Variants in PTPRD observed in about 807,000 individuals in gnomAD.
PTPRD encodes protein tyrosine phosphatase receptor type D, also known as receptor-type tyrosine-protein phosphatase delta.
In PTPRD, 34 loss-of-function variants were observed where a neutral mutation model predicts 214.5. That is an observed-to-expected ratio of 0.16 (90% CI 0.12 to 0.21). The LOEUF (loss-of-function observed/expected upper bound fraction) is 0.21, where lower values mean the gene tolerates loss of function less well. Among genes scored for constraint, PTPRD ranks in the 10% least tolerant of loss-of-function variants. PTPRD has a pLI of 1.00. For synonymous variants in PTPRD, 1,128 were observed against 845.7 expected (o/e 1.33, Z -5.79); for missense variants, 2,545 against 2,398.7 (o/e 1.06, Z -1.27).
intron 12 of PTPRD, among the ~76,000 whole-genome samples, chr9:8,651,294 C>G (rs1233219132): frequency 6.6e-6 from 1 of 152,040 alleles, no homozygotes; most frequent in African/African-American, 2.4e-5. Context: ...TTTGGGGGTA[C>G]AAAAGATGGA....
rs33977592 is a variant in PTPRD at position 10,384,074 on chromosome 9, C to CAAA, written c.-599-43060_-599-43058dup. Among the ~76,000 whole-genome samples the CAAA allele has an allele frequency of 5.5e-3, 576 of 104,716 alleles. 19 individuals carry two copies. In the East Asian group the frequency reaches 0.091, roughly 16 times the overall value. The allele number at this position is 104,716 out of a possible 152,430, so 68.7% of individuals were successfully genotyped here. On this transcript the variant is annotated intron_variant, in intron 2 of 45. Transcript: ENST00000381196. ...AGGAGGTGGGGATGGTTAATGGGTA[C>CAAA]AAAAAAAAAAAAAAATAGAAAAAGA... is the stretch of plus-strand genomic sequence containing the variant.
At chr9:9,810,404 T>C (rs992317551) in intron 5 of PTPRD, among the ~76,000 whole-genome samples, 3 of 152,044 alleles carry the variant, frequency 2.0e-5, no homozygotes, top group Admixed American at 6.6e-5. Flanking sequence ...GTTTACTCTC[T>C]TGTTAAGGGC....
intron 2 of PTPRD, among the ~76,000 whole-genome samples, chr9:10,577,845 T>C (rs1213733866): frequency 6.6e-6 from 1 of 152,002 alleles, no homozygotes; most frequent in Non-Finnish European, 1.5e-5. Context: ...ATTATAGTAA[T>C]AGTTCATGTT....
intron 5 of PTPRD, among the ~76,000 whole-genome samples, chr9:9,857,361 A>G (rs2061746414): frequency 6.6e-6 from 1 of 152,222 alleles, no homozygotes; most frequent in African/African-American, 2.4e-5. Flanking sequence ...GATGGAGAAG[A>G]GAACAACAAT....
At chr9:9,830,248 A>C (rs1013886209) in intron 5 of PTPRD, among the ~76,000 whole-genome samples, 6 of 151,862 alleles carry the variant, frequency 4.0e-5, no homozygotes, top group Non-Finnish European at 7.4e-5. Flanking sequence ...TATCTTTCAA[A>C]TGTCTATTTG....
chr9:8,488,569 T>C (rs2097085073), intron 27 of PTPRD, among the ~76,000 whole-genome samples: 1 of 152,154 alleles, frequency 6.6e-6, no homozygotes, highest in Admixed American at 6.5e-5. Context: ...CATCCAGAGA[T>C]CTTAACGACC....
chr9:9,876,072 G>A (rs565790591), intron 5 of PTPRD, among the ~76,000 whole-genome samples: 2 of 152,216 alleles, frequency 1.3e-5, no homozygotes, highest in African/African-American at 2.4e-5. Context: ...TAGTTGGAAG[G>A]AAGGGAGGAA....
At chr9:9,010,487 C>A (rs1322085346) in intron 11 of PTPRD, among the ~76,000 whole-genome samples, 1 of 152,130 alleles carries the variant, frequency 6.6e-6, no homozygotes, top group African/African-American at 2.4e-5. Flanking sequence ...TGGGAAATAC[C>A]AGCAGAATAT....
chr9:10,534,637 G>T (rs925829289), intron 2 of PTPRD, among the ~76,000 whole-genome samples: 1 of 151,872 alleles, frequency 6.6e-6, no homozygotes, highest in Non-Finnish European at 1.5e-5. Flanking sequence ...TGTTTAATTC[G>T]TCCTTACTAG....
chr9:9,881,439 G>A (rs1362755734), intron 5 of PTPRD, among the ~76,000 whole-genome samples: 1 of 152,026 alleles, frequency 6.6e-6, no homozygotes, highest in Non-Finnish European at 1.5e-5. Context: ...GTCTGACTTG[G>A]GTTTGAGTCT....
At chr9:9,971,634 T>G (rs1294855472) in intron 4 of PTPRD, among the ~76,000 whole-genome samples, 1 of 152,162 alleles carries the variant, frequency 6.6e-6, no homozygotes, top group Admixed American at 6.5e-5. Flanking sequence ...AGTATTTGTA[T>G]AGGAAAAGCA....
chr9:9,482,631 C>G lies in PTPRD; in HGVS notation c.-236-85149G>C, dbSNP rs117457803. Among the ~76,000 whole-genome samples the G allele has an allele frequency of 8.9e-4, 136 of 152,294 alleles. 2 individuals are homozygous for G. In the South Asian group the frequency reaches 0.028, roughly 31 times the overall value. On this transcript the variant is annotated intron_variant, in intron 8 of 45. Transcript: ENST00000381196. ...CATAGTTCAGGTATTTACTGCCATT[C>G]TCTTCTGAGGACATCAGCTATTATC...
chr9:10,361,671 G>C (rs1331855681), intron 2 of PTPRD, among the ~76,000 whole-genome samples: 4 of 152,046 alleles, frequency 2.6e-5, no homozygotes, highest in Non-Finnish European at 5.9e-5. Flanking sequence ...ATCTCTATTA[G>C]GAACACTTAC....
At chr9:10,306,516 G>C (rs55835793) in intron 3 of PTPRD, among the ~76,000 whole-genome samples, 10,912 of 152,030 alleles carry the variant, frequency 0.072, 560 homozygotes, top group South Asian at 0.16. Context: ...ACAGAGCAAA[G>C]TTTTTCAAAT....
At chr9:9,058,312 G>C (rs1254829428) in intron 10 of PTPRD, among the ~76,000 whole-genome samples, 1 of 152,084 alleles carries the variant, frequency 6.6e-6, no homozygotes, top group Admixed American at 6.5e-5. Flanking sequence ...AAAAGGAGCA[G>C]TGATAATCTG....
At chr9:9,201,311 C>T (rs2099941715) in intron 9 of PTPRD, among the ~76,000 whole-genome samples, 1 of 152,094 alleles carries the variant, frequency 6.6e-6, no homozygotes, top group Admixed American at 6.6e-5. Flanking sequence ...CTTGTGTTTG[C>T]ATTTTGGTGG....
intron 5 of PTPRD, among the ~76,000 whole-genome samples, chr9:9,806,606 A>C (rs1291420221): frequency 6.6e-6 from 1 of 151,858 alleles, no homozygotes; most frequent in African/African-American, 2.4e-5. Context: ...TGATAATCCC[A>C]CCACCCTTTA....
chr9:9,113,618 T>C (rs1230146409), intron 10 of PTPRD, among the ~76,000 whole-genome samples: 2 of 152,114 alleles, frequency 1.3e-5, no homozygotes, highest in Non-Finnish European at 1.5e-5. Context: ...TAATTAGTAG[T>C]TAGTTAAACA....
chr9:10,123,772 T>C (rs2098794799), intron 3 of PTPRD, among the ~76,000 whole-genome samples: 1 of 152,234 alleles, frequency 6.6e-6, no homozygotes, highest in South Asian at 2.1e-4. Context: ...TGTTAAGTTC[T>C]GCATTATTGC....
Sources: gnomAD v4.1 joint callset for allele counts (sites outside exome capture counted in the v4.1 genomes callset) on GRCh38, gnomAD v4.1.1 for gene constraint, MANE v1.5 for transcripts, NCBI Gene and HGNC (gene_info 2026-07-23, HGNC 2026-07-21) for gene names.